The following PRMT7 variants were observed in gnomAD, a reference collection of about 807,000 sequenced individuals.
PRMT7 encodes protein arginine N-methyltransferase 7.
A neutral mutation model predicts 85.4 loss-of-function variants in PRMT7; 75 were observed. The ratio of observed to expected loss-of-function variants is 0.88; its 90% CI spans 0.73 to 1.06. The LOEUF is 1.06. Among genes scored for constraint, PRMT7 ranks in the 50% least tolerant of loss-of-function variants. PRMT7 has a pLI of 0.00. For missense variants in PRMT7, 868 were observed against 915.2 expected (o/e 0.95, Z 0.67); for synonymous variants, 397 against 359.5 (o/e 1.10, Z -1.18).
chr16:68,324,883 C>G, intron 5 of PRMT7, 51 bp downstream of exon 5: 1 of 1,605,354 alleles, frequency 6.2e-7, no homozygotes, highest in Non-Finnish European at 8.5e-7. Context: ...GGGAAATCCC[C>G]TATGCTCTTG....
At chr16:68,321,780 G>A (rs919210836) in intron 4 of PRMT7, 3 of 249,248 alleles carry the variant, frequency 1.2e-5, no homozygotes, top group Middle Eastern at 1.2e-3. Flanking sequence ...ACTTTTTTGT[G>A]TGTGGTGAGA....
intron 5 of PRMT7, 24 bp downstream of exon 5, chr16:68,324,856 T>C (rs760757344): frequency 6.2e-7 from 1 of 1,611,948 alleles, no homozygotes; most frequent in East Asian, 2.2e-5. Flanking sequence ...TTCAGGTGTG[T>C]GTCCTGCATC....
chr16:68,311,788 C>T (rs13336173), intron 1 of PRMT7: 84,516 of 151,474 alleles, frequency 0.56, 23,850 homozygotes, highest in East Asian at 0.78. Flanking sequence ...CAACTTTTAT[C>T]CCGGTCTGTC....
At chr16:68,355,684 G>T in intron 16 of PRMT7, 39 bp from the exon 17 acceptor site, 1 of 1,482,798 alleles carries the variant, frequency 6.7e-7, no homozygotes, top group Non-Finnish European at 9.0e-7. Flanking sequence ...CTAGCTGCCG[G>T]CCTGTCTCTG....
chr16:68,341,277 G>T (rs2085492878), intron 9 of PRMT7, among the ~76,000 whole-genome samples: 1 of 152,162 alleles, frequency 6.6e-6, no homozygotes, highest in African/African-American at 2.4e-5. Context: ...CCCACCCACT[G>T]TTCAGACAAA....
chr16:68,356,994 C>A, intron 18 of PRMT7, 60 bp from the exon 19 acceptor site: 1 of 1,532,446 alleles, frequency 6.5e-7, no homozygotes, highest in Non-Finnish European at 8.9e-7. Flanking sequence ...TGGAGGCTGG[C>A]TAGGAAGGAG....
Position 68,357,279 on chromosome 16 carries a change from T to C in PRMT7, c.*55T>C. 6.5e-7 allele frequency: 1 copy of C among 1,534,690 alleles called. No homozygotes were observed. Among genetic ancestry groups the C allele is most frequent in the East Asian group, 2.3e-5 (1 of 43,848 alleles). On this transcript the variant is annotated 3_prime_UTR_variant, in exon 19 of 19. Coordinates refer to ENST00000441236, the MANE Select transcript of PRMT7 (RefSeq NM_019023.5). Reference sequence around the variant, plus strand: ...GCTGGGGTTCTGAGTGGCTCATGGCTTTCTAGCGGGGAAGGCTGAAGGCCC... The same window carrying C: ...GCTGGGGTTCTGAGTGGCTCATGGCCTTCTAGCGGGGAAGGCTGAAGGCCC...
At chr16:68,330,913 A>T (rs2083787995) in intron 6 of PRMT7, among the ~76,000 whole-genome samples, 1 of 152,146 alleles carries the variant, frequency 6.6e-6, no homozygotes, top group South Asian at 2.1e-4. Flanking sequence ...TTATTTTTAA[A>T]ATATACAATA....
intron 7 of PRMT7, among the ~76,000 whole-genome samples, chr16:68,338,594 C>T (rs1337230531): frequency 1.3e-5 from 2 of 152,020 alleles, no homozygotes; most frequent in African/African-American, 2.4e-5. Flanking sequence ...GGGAAGGCAG[C>T]GGGAGTGAGT....
At chr16:68,340,744 G>A (rs988595249) in intron 9 of PRMT7, among the ~76,000 whole-genome samples, 1 of 152,218 alleles carries the variant, frequency 6.6e-6, no homozygotes, top group Non-Finnish European at 1.5e-5. Context: ...AAGCAATGCT[G>A]CTTTCAGACA....
At chr16:68,356,604 G>A (rs2088558843) in intron 17 of PRMT7, 97 bp from the exon 18 acceptor site, 3 of 877,634 alleles carry the variant, frequency 3.4e-6, no homozygotes, top group South Asian at 3.1e-5. Context: ...AAGGAAGTGG[G>A]GAAGACCACA....
intron 9 of PRMT7, among the ~76,000 whole-genome samples, chr16:68,341,189 C>G (rs182948097): frequency 6.6e-6 from 1 of 152,238 alleles, no homozygotes; most frequent in Non-Finnish European, 1.5e-5. Context: ...ATTTACACCC[C>G]CATCCACCCT....
At chr16:68,329,035 T>C in intron 5 of PRMT7, 31 bp from the exon 6 acceptor site, 3 of 1,490,038 alleles carry the variant, frequency 2.0e-6, no homozygotes, top group Non-Finnish European at 2.8e-6. Flanking sequence ...TTATTGCTCA[T>C]TTTTCCTTGG....
In PRMT7 at chr16:68,352,295, G is replaced by T. The variant is rs373047722; in HGVS notation, c.1461G>T (p.Pro487=). The change falls in exon 15 of 19, where the codon CCG becomes CCT. Residue 487 remains proline, a synonymous_variant. Coordinates refer to ENST00000441236, the MANE Select transcript of PRMT7 (RefSeq NM_019023.5). ...GEPFFTTSLL[P]WHNLYFWYVR... ...CGTTCTTCACTACCAGCCTGCTGCC[G>T]TGGCACAACCTCTACTTCTGGTACG... The T allele has an allele frequency of 6.2e-7, 1 of 1,613,674 alleles. No homozygotes were observed. Among genetic ancestry groups the T allele is most frequent in the Admixed American group, 1.7e-5 (1 of 60,020 alleles).
intron 10 of PRMT7, 144 bp downstream of exon 10, chr16:68,345,946 CAG>C: frequency 7.3e-7 from 1 of 1,371,450 alleles, no homozygotes; most frequent in Non-Finnish European, 1.0e-6. Flanking sequence ...ACCAGTGTGT[CAG>C]TGCCCATTCG....
intron 9 of PRMT7, among the ~76,000 whole-genome samples, chr16:68,340,646 G>T (rs534565037): frequency 1.3e-5 from 2 of 152,046 alleles, no homozygotes; most frequent in African/African-American, 4.8e-5. Flanking sequence ...ACCTACTAGT[G>T]AATAAAGTTT....
intron 6 of PRMT7, among the ~76,000 whole-genome samples, chr16:68,334,029 C>G (rs563224003): frequency 5.8e-4 from 88 of 152,268 alleles, no homozygotes; most frequent in Non-Finnish European, 1.1e-3. Context: ...CCTTGGCCTC[C>G]CAAAATGCTG....
intron 6 of PRMT7, among the ~76,000 whole-genome samples, chr16:68,330,837 AGCCTGCCTCG>A (rs2083772460): frequency 6.6e-6 from 1 of 152,094 alleles, no homozygotes; most frequent in Admixed American, 6.5e-5. Flanking sequence ...TCAGGTGACC[AGCCTGCCTCG>A]GCCTCCGAAA....
intron 9 of PRMT7, among the ~76,000 whole-genome samples, chr16:68,343,076 C>T (rs1279733384): frequency 2.6e-5 from 4 of 152,022 alleles, no homozygotes; most frequent in Non-Finnish European, 1.5e-5. Flanking sequence ...GGCATGGTGG[C>T]AGGCGCCTGT....
Sources: allele counts gnomAD v4.1 joint callset (sites outside exome capture counted in the v4.1 genomes callset), GRCh38; gene constraint gnomAD v4.1.1; transcripts MANE v1.5; gene names NCBI Gene and HGNC (gene_info 2026-07-23, HGNC 2026-07-21).